Variants in LAMB4 observed in about 807,000 individuals in gnomAD.
LAMB4 encodes laminin subunit beta-4.
In LAMB4, 196 loss-of-function variants were observed where a neutral mutation model predicts 199.2. The observed-to-expected ratio is 0.98, with a 90% CI of 0.88 to 1.11. The LOEUF (loss-of-function observed/expected upper bound fraction) is 1.11, where lower values mean the gene tolerates loss of function less well. Among genes scored for constraint, LAMB4 ranks in the 50% least tolerant of loss-of-function variants. LAMB4 has a pLI of 0.00. For synonymous variants in LAMB4, 744 were observed against 770.6 expected, an observed-to-expected ratio of 0.97 and a Z score of 0.57; for missense variants, 2,080 against 2,171.2, an observed-to-expected ratio of 0.96 and a Z score of 0.83.
Position 108,057,886 on chromosome 7 carries a change from G to A in LAMB4, c.3325C>T (p.Arg1109Cys), listed in dbSNP as rs144039866. ...CPCKLGYGGK[R>C]CSECQENYYG... is the part of the protein sequence containing the mutation. ...TAATTTTCCTGGCACTCACTGCAAC[G>A]TTTCCCGCCGTAACCTAATTTACAC... Residue 1109 changes from arginine to cysteine, a missense_variant, in exon 24 of 34, where the codon CGT becomes TGT. Coordinates refer to ENST00000388781, the MANE Select transcript of LAMB4 (RefSeq NM_007356.3). 5.6e-6 allele frequency: 9 copies of A among 1,612,372 alleles called. No homozygotes were observed. Among genetic ancestry groups the A allele is most frequent in the Middle Eastern group, 3.4e-4 (2 of 5,832 alleles).
intron 17 of LAMB4, among the ~76,000 whole-genome samples, chr7:108,074,938 A>G (rs1378523709): frequency 6.6e-6 from 1 of 152,184 alleles, no homozygotes; most frequent in African/African-American, 2.4e-5. Flanking sequence ...AATATTTAGG[A>G]TATAGATTGA....
At chr7:108,124,125 C>T (rs2038696626) in intron 1 of LAMB4, among the ~76,000 whole-genome samples, 1 of 152,110 alleles carries the variant, frequency 6.6e-6, no homozygotes, top group South Asian at 2.1e-4. Flanking sequence ...AGCTGATTCT[C>T]CCACCTCAGC....
chr7:108,106,434 A>G, intron 7 of LAMB4, 75 bp downstream of exon 7: 1 of 886,816 alleles, frequency 1.1e-6, no homozygotes, highest in East Asian at 2.5e-5. Context: ...AAAAAAAAAG[A>G]AAAGCAATTA....
intron 23 of LAMB4, among the ~76,000 whole-genome samples, chr7:108,058,185 C>T (rs770249096): frequency 3.0e-4 from 45 of 152,132 alleles, no homozygotes; most frequent in Admixed American, 1.3e-4. Flanking sequence ...GGGAAACATA[C>T]ACAGATGTAA....
At chr7:108,060,364 C>A (rs959122994) in intron 23 of LAMB4, among the ~76,000 whole-genome samples, 2 of 151,776 alleles carry the variant, frequency 1.3e-5, no homozygotes, top group Non-Finnish European at 2.9e-5. Flanking sequence ...AATTGGGAAG[C>A]CAGGTGGTCA....
At position 108,105,930 on chromosome 7, in the gene LAMB4, A is replaced by G; in HGVS notation, c.757T>C (p.Tyr253His). 6.2e-7 allele frequency: 1 copy of G among 1,614,206 alleles called. No individual in the cohort carries two copies. The change falls in exon 8 of 34, where the codon TAC becomes CAC. Residue 253 changes from tyrosine to histidine, a missense_variant. By Grantham distance (83) the Tyr-to-His change is moderately conservative (BLOSUM62 2). Coordinates refer to ENST00000388781, the MANE Select transcript of LAMB4 (RefSeq NM_007356.3). Reference protein sequence around the residue: ...RRQNDSLDKYYYALYEMIVRG... With the variant: ...RRQNDSLDKYHYALYEMIVRG... ...ACAATCATCTCGTACAGAGCATAGTAGTATTTATCAAGGGAATCATTTTGC... is the reference window on the plus strand; with the variant it reads ...ACAATCATCTCGTACAGAGCATAGTGGTATTTATCAAGGGAATCATTTTGC...
intron 10 of LAMB4, 102 bp from the exon 11 acceptor site, chr7:108,098,684 T>A: frequency 2.1e-6 from 2 of 937,130 alleles, no homozygotes; most frequent in Non-Finnish European, 3.1e-6. Flanking sequence ...TTGCTTTGTT[T>A]AAATAATTAA....
In LAMB4 at chr7:108,045,255, C is replaced by T. The variant is rs1029687303; in HGVS notation, c.4327-1359G>A. On this transcript the variant is annotated intron_variant, in intron 28 of 33. Coordinates refer to ENST00000388781, the MANE Select transcript of LAMB4 (RefSeq NM_007356.3). ...TAAAATACCCTAGGCAGCAAAGCAC[C>T]AAGTGATACAGAGGAAATCTCAGGC... Among the ~76,000 whole-genome samples the T allele has an allele frequency of 9.9e-5, 15 of 152,108 alleles. No individual in the cohort carries two copies. In the Middle Eastern group the frequency reaches 0.01, roughly 103 times the overall value.
chr7:108,103,715 G>A (rs745613784), intron 9 of LAMB4, among the ~76,000 whole-genome samples: 9 of 152,206 alleles, frequency 5.9e-5, no homozygotes, highest in Non-Finnish European at 1.2e-4. Context: ...TCTCATCTGA[G>A]GCTAGGCCAG....
At chr7:108,068,996 GTTTT>G in intron 18 of LAMB4, among the ~76,000 whole-genome samples, 1 of 152,256 alleles carries the variant, frequency 6.6e-6, no homozygotes, top group East Asian at 1.9e-4. Flanking sequence ...CCCCTTACTA[GTTTT>G]TTATTTCCCC....
intron 27 of LAMB4, among the ~76,000 whole-genome samples, chr7:108,048,879 C>T (rs982463141): frequency 1.3e-5 from 2 of 151,950 alleles, no homozygotes; most frequent in Non-Finnish European, 2.9e-5. Flanking sequence ...TTTGTAGAGA[C>T]GGGGTTTCAC....
intron 29 of LAMB4, among the ~76,000 whole-genome samples, chr7:108,043,186 C>G (rs923101599): frequency 5.3e-5 from 8 of 151,688 alleles, no homozygotes; most frequent in Admixed American, 5.3e-4. Flanking sequence ...TTTTTAGATG[C>G]CAACTCCCTA....
At chr7:108,036,485 G>A (rs1310955622) in intron 30 of LAMB4, among the ~76,000 whole-genome samples, 2 of 152,170 alleles carry the variant, frequency 1.3e-5, no homozygotes, top group African/African-American at 4.8e-5. Context: ...ACCGTGCCCG[G>A]CCTACTTAAT....
At position 108,061,780 on chromosome 7, in the gene LAMB4, T is replaced by C. The variant is rs895405893; in HGVS notation, c.3282+994A>G. Among the ~76,000 whole-genome samples, 3 of 150,504 alleles carry C rather than the reference T, an allele frequency of 2.0e-5. No individual in the cohort carries two copies. In the East Asian group the frequency reaches 5.8e-4, roughly 29 times the overall value. The stretch of plus-strand genomic sequence containing the variant: ...AAAAAGATATGGTGTTTGTGTGTGT[T>C]GGTGGATGAGGATTGGAGAGAAAGA... On this transcript the variant is annotated intron_variant, in intron 23 of 33. Coordinates refer to ENST00000388781, the MANE Select transcript of LAMB4 (RefSeq NM_007356.3).
At chr7:108,085,220 A>T (rs1456626462) in intron 14 of LAMB4, among the ~76,000 whole-genome samples, 1 of 152,216 alleles carries the variant, frequency 6.6e-6, no homozygotes, top group African/African-American at 2.4e-5. Flanking sequence ...AGTGAAATGA[A>T]AACAGTTGAC....
At chr7:108,079,888 G>T (rs117871946) in intron 14 of LAMB4, 102 bp from the exon 15 acceptor site, 24,373 of 795,420 alleles carry the variant, frequency 0.031, 503 homozygotes, top group Middle Eastern at 0.045. Context: ...ATTTCCTGGT[G>T]TGTATATGAT....
chr7:108,084,395 G>A (rs989704641), intron 14 of LAMB4, among the ~76,000 whole-genome samples: 3 of 151,304 alleles, frequency 2.0e-5, no homozygotes, highest in African/African-American at 4.9e-5. Flanking sequence ...CCTAAAGAAA[G>A]CCCCCATGCT....
Position 108,116,098 on chromosome 7 carries a change from C to T in LAMB4, c.98G>A (p.Gly33Asp), listed in dbSNP as rs200126939. ...CGTGTTCCTGCCCACCAGGAGATCACCAGTGGTGGGATGACAGGCACCCCT... is the reference window on the plus strand; with the variant it reads ...CGTGTTCCTGCCCACCAGGAGATCATCAGTGGTGGGATGACAGGCACCCCT... ...CNRGACHPTT[G>D]DLLVGRNTQL... is the part of the protein sequence containing the mutation. The change falls in exon 3 of 34, where the codon GGT becomes GAT. Residue 33 changes from glycine (G) to aspartate (D), a missense_variant. Gly to Asp is a moderately conservative substitution (Grantham distance 94). Transcript: ENST00000388781. 161 of 1,614,060 alleles carry T rather than the reference C, an allele frequency of 1.0e-4. 1 individual carries two copies. The East Asian group carries it at 3.6e-3, about 36-fold the overall frequency.
At chr7:108,099,731 A>G (rs1205105159) in intron 10 of LAMB4, among the ~76,000 whole-genome samples, 1 of 152,252 alleles carries the variant, frequency 6.6e-6, no homozygotes, top group African/African-American at 2.4e-5. Context: ...TACTAAAAAC[A>G]AAACTGTCAA....
Sources: gnomAD v4.1 joint callset for allele counts (sites outside exome capture counted in the v4.1 genomes callset) on GRCh38, gnomAD v4.1.1 for gene constraint, MANE v1.5 for transcripts, NCBI Gene and HGNC (gene_info 2026-07-23, HGNC 2026-07-21) for gene names.